NFXL1: variants seen among roughly 807,000 people sequenced by gnomAD.
The protein encoded by NFXL1 is NF-X1-type zinc finger protein NFXL1.
A neutral mutation model predicts 123.3 loss-of-function variants in NFXL1; 66 were observed. The ratio of observed to expected loss-of-function variants is 0.54; its 90% CI spans 0.44 to 0.66. The LOEUF is 0.66. Ranked by LOEUF, NFXL1 falls within the 30% of genes least tolerant of loss-of-function variation. The probability of loss-of-function intolerance (pLI) is 0.00; values close to 1 mark genes in which losing one functional copy is unlikely to be tolerated. For missense variants in NFXL1, 944 were observed against 1,125.6 expected (o/e 0.84, Z 2.31); for synonymous variants, 346 against 360.8 (o/e 0.96, Z 0.46).
chr4:47,899,238 A>C (rs1737259059), intron 6 of NFXL1, 118 bp from the exon 7 acceptor site: 1 of 1,293,382 alleles, frequency 7.7e-7, no homozygotes, highest in African/African-American at 1.5e-5. Flanking sequence ...ACACTTTACA[A>C]AAGGCAATAA....
chr4:47,914,295 G>T, intron 1 of NFXL1, 70 bp downstream of exon 1: 1 of 1,020,592 alleles, frequency 9.8e-7, no homozygotes, highest in Non-Finnish European at 1.4e-6. Flanking sequence ...AACCCGGTGT[G>T]AGGGGCCGAG....
intron 15 of NFXL1, among the ~76,000 whole-genome samples, chr4:47,882,903 T>A (rs1184140174): frequency 1.3e-5 from 2 of 152,212 alleles, no homozygotes; most frequent in Admixed American, 1.3e-4. Flanking sequence ...AAAGACATTT[T>A]TAATTTCTTT....
intron 3 of NFXL1, among the ~76,000 whole-genome samples, chr4:47,908,286 T>C (rs375879309): frequency 7.3e-4 from 111 of 152,144 alleles, no homozygotes; most frequent in African/African-American, 2.6e-3. Flanking sequence ...TAACCAGGCA[T>C]GGTGGTGTGT....
intron 20 of NFXL1, among the ~76,000 whole-genome samples, chr4:47,854,379 T>TAA (rs1211962683): frequency 6.6e-6 from 1 of 151,778 alleles, no homozygotes; most frequent in Non-Finnish European, 1.5e-5. Context: ...TTCAAAGGAG[T>TAA]AAGCACTGCC....
At chr4:47,906,986 A>G (rs954513450) in intron 3 of NFXL1, among the ~76,000 whole-genome samples, 1 of 152,258 alleles carries the variant, frequency 6.6e-6, no homozygotes, top group Non-Finnish European at 1.5e-5. Flanking sequence ...AATGACTTTG[A>G]GCAAGTTACC....
At chr4:47,864,346 CCT>C (rs748864471) in intron 18 of NFXL1, among the ~76,000 whole-genome samples, 11 of 152,182 alleles carry the variant, frequency 7.2e-5, no homozygotes, top group South Asian at 6.2e-4. Flanking sequence ...TCCCACAGCC[CCT>C]GTTATTTTTC....
At chr4:47,855,533 T>A (rs1577984752) in intron 19 of NFXL1, among the ~76,000 whole-genome samples, 1 of 151,842 alleles carries the variant, frequency 6.6e-6, no homozygotes, top group African/African-American at 2.4e-5. Context: ...GTTCTTCTCT[T>A]CCCCATGTCC....
chr4:47,910,983 G>C lies in NFXL1; in HGVS notation c.247C>G (p.Gln83Glu). 6.3e-7 allele frequency: 1 copy of C among 1,591,420 alleles called. No homozygotes were observed. The highest frequency in any genetic ancestry group is 8.6e-7 in the Non-Finnish European group (1 of 1,169,312). Reference sequence around the variant, plus strand: ...TTCTTGATTTCTTCAAATTTTTTCTGAGACATTAGCTCTGTTTAAAAGAAA... The same window carrying C: ...TTCTTGATTTCTTCAAATTTTTTCTCAGACATTAGCTCTGTTTAAAAGAAA... ...QTTAASELMS[Q>E]KKFEEIKKAN... The change falls in exon 3 of 23, where the codon CAG (glutamine) becomes GAG (glutamate). Residue 83 changes from glutamine (Q) to glutamate (E), a missense_variant. Gln to Glu is a conservative substitution (Grantham distance 29). This residue lies in a region of NFXL1 where 303 missense variants were observed against 292.1 expected (regional missense o/e 1.04). Coordinates refer to ENST00000507489, the MANE Select transcript of NFXL1 (RefSeq NM_001278624.2).
intron 22 of NFXL1, among the ~76,000 whole-genome samples, chr4:47,849,217 T>C (rs747063546): frequency 1.4e-3 from 208 of 152,202 alleles, no homozygotes; most frequent in Non-Finnish European, 5.6e-4. Flanking sequence ...AAGGAAAAAA[T>C]TCTTCATGCT....
intron 5 of NFXL1, among the ~76,000 whole-genome samples, chr4:47,900,145 G>A (rs1156652194): frequency 6.6e-6 from 1 of 152,072 alleles, no homozygotes; most frequent in African/African-American, 2.4e-5. Flanking sequence ...AGAATTAAGG[G>A]GGAATAAACT....
Position 47,885,512 on chromosome 4 carries a change from T to G in NFXL1, c.1810A>C (p.Lys604Gln). ...PAPCHDQALI[K>Q]QTGRHQPTGP... is the part of the protein sequence containing the mutation. ...TATTCCCTTACCCTGCCAGTCTGCT[T>G]TATTAATGCTTGATCATGACACGGA... The change falls in exon 14 of 23, where the codon AAG becomes CAG. Residue 604 changes from lysine to glutamine, a missense_variant. By Grantham distance (53) the Lys-to-Gln change is moderately conservative. Coordinates refer to ENST00000507489, the MANE Select transcript of NFXL1 (RefSeq NM_001278624.2). 1 of 1,612,804 alleles carries G rather than the reference T, an allele frequency of 6.2e-7. No homozygotes were observed. Among genetic ancestry groups the G allele is most frequent in the Non-Finnish European group, 8.5e-7 (1 of 1,179,062 alleles).
rs544525646 is a variant in NFXL1 at position 47,910,893 on chromosome 4, C to A, written c.337G>T (p.Asp113Tyr). The change falls in exon 3 of 23, where the codon GAT becomes TAT. Residue 113 changes from aspartate (D) to tyrosine (Y), a missense_variant. By Grantham distance (160) the Asp-to-Tyr change is radical. Coordinates refer to ENST00000507489, the MANE Select transcript of NFXL1 (RefSeq NM_001278624.2). ...EQFSSSSEEG[D>Y]EDFEGKQGKI... The stretch of plus-strand genomic sequence containing the variant: ...CCCTGTTTTCCTTCAAAATCTTCAT[C>A]TCCTTCTTCAGATGAAGAGCTAAAC... The A allele has an allele frequency of 1.2e-6, 2 of 1,602,872 alleles. No homozygotes were observed. The highest frequency in any genetic ancestry group is 2.7e-5 in the African/African-American group (2 of 74,554).
intron 18 of NFXL1, among the ~76,000 whole-genome samples, chr4:47,864,624 A>G (rs1036157331): frequency 7.2e-5 from 11 of 152,174 alleles, no homozygotes; most frequent in Non-Finnish European, 1.6e-4. Flanking sequence ...ATGAGTGTCC[A>G]TACTTCAATC....
chr4:47,851,840 T>C lies in NFXL1; in HGVS notation c.2508+16A>G, dbSNP rs1734135155. On this transcript the variant is annotated intron_variant, in intron 21 of 22. Coordinates refer to ENST00000507489, the MANE Select transcript of NFXL1 (RefSeq NM_001278624.2). The stretch of plus-strand genomic sequence containing the variant: ...AAGGCCACTAGTCTTTAAAATGATA[T>C]TTAACGAGACATTACCTCAGATGCT... The C allele has an allele frequency of 6.6e-7, 1 of 1,524,752 alleles. No individual in the cohort carries two copies. The highest frequency in any genetic ancestry group is 1.4e-5 in the African/African-American group (1 of 73,160). The allele number at this position is 1,524,752 out of a possible 1,614,324, so 94.5% of individuals were successfully genotyped here. A position where few individuals can be genotyped will look rare whatever the true frequency, so the allele number is the denominator to read the frequency against.
Position 47,894,258 on chromosome 4 carries a change from C to T in NFXL1, c.1374G>A (p.Met458Ile). ...CACACAGATAAGGTTTATGACAAGG[C>T]ATTCGTTTTGTATGCTTTCCACAGC... is the stretch of plus-strand genomic sequence containing the variant. ...HCRCGKHTKR[M>I]PCHKPYLCET... Residue 458 changes from methionine (M) to isoleucine (I), a missense_variant, in exon 11 of 23, where the codon ATG becomes ATA. Transcript: ENST00000507489. 1 of 1,602,992 alleles carries T rather than the reference C, an allele frequency of 6.2e-7. No homozygotes were observed. Among genetic ancestry groups the T allele is most frequent in the Non-Finnish European group, 8.5e-7 (1 of 1,173,768 alleles).
chr4:47,883,979 A>G (rs1407644604), intron 15 of NFXL1, among the ~76,000 whole-genome samples: 2 of 152,198 alleles, frequency 1.3e-5, no homozygotes, highest in Non-Finnish European at 2.9e-5. Flanking sequence ...TGCCTTATCT[A>G]AAACCTGGCT....
rs143553691 is a variant in NFXL1 at position 47,903,245 on chromosome 4, C to A, written c.595G>T (p.Val199Leu). The A allele has an allele frequency of 1.9e-6, 3 of 1,600,726 alleles. No homozygotes were observed. The highest frequency in any genetic ancestry group is 1.7e-4 in the Middle Eastern group (1 of 6,028). Residue 199 changes from valine to leucine, a missense_variant, in exon 5 of 23, where the codon GTA becomes TTA. Physicochemically the swap from Val to Leu is conservative, Grantham distance 32 (BLOSUM62 1). This residue lies in a region of NFXL1 where 303 missense variants were observed against 292.1 expected (regional missense o/e 1.04). Transcript: ENST00000507489. The stretch of plus-strand genomic sequence containing the variant: ...AAATCATCATCAGTCACAGAAGATA[C>A]AAGAAACTGGCTGTCTTTAGCCCAC... ...QKWAKDSQFL[V>L]SSVTDDDFGK...
intron 11 of NFXL1, among the ~76,000 whole-genome samples, chr4:47,891,798 T>C (rs962742069): frequency 1.3e-5 from 2 of 152,096 alleles, no homozygotes; most frequent in Non-Finnish European, 2.9e-5. Context: ...TAGCCAGGCA[T>C]GGTAGTGCGT....
At position 47,894,176 on chromosome 4, in the gene NFXL1, A is replaced by C; in HGVS notation, c.1452+4T>G. 1.3e-6 allele frequency: 2 copies of C among 1,592,946 alleles called. No homozygotes were observed. The highest frequency in any genetic ancestry group is 1.7e-6 in the Non-Finnish European group (2 of 1,170,202). On this transcript the variant is annotated splice_donor_region_variant and intron_variant, in intron 11 of 22. Coordinates refer to ENST00000507489, the MANE Select transcript of NFXL1 (RefSeq NM_001278624.2). ...TCAGAGGTTTCCAAGGTTAATACAC[A>C]AACCTTTCTTCTACATTGATGCTTC...
Sources: gnomAD v4.1 joint callset for allele counts (sites outside exome capture counted in the v4.1 genomes callset) on GRCh38, gnomAD v4.1.1 for gene constraint, gnomAD v4.1.1 regional missense constraint, MANE v1.5 for transcripts, NCBI Gene and HGNC (gene_info 2026-07-23, HGNC 2026-07-21) for gene names.